The following SGCD variants were observed in gnomAD, a reference collection of about 807,000 sequenced individuals.
SGCD encodes the protein delta-sarcoglycan.
A neutral mutation model predicts 36.6 loss-of-function variants in SGCD; 18 were observed. The ratio of observed to expected loss-of-function variants is 0.49; its 90% CI spans 0.34 to 0.73. The LOEUF is 0.73. Ranked by LOEUF, SGCD falls within the 30% of genes least tolerant of loss-of-function variation. The probability of loss-of-function intolerance (pLI) is 0.01; values close to 1 mark genes in which losing one functional copy is unlikely to be tolerated. For synonymous variants in SGCD, 133 were observed against 130.6 expected (o/e 1.02, Z -0.12); for missense variants, 387 against 346.7 (o/e 1.12, Z -0.92).
intron 4 of SGCD, among the ~76,000 whole-genome samples, chr5:156,526,347 A>T (rs1056379178): frequency 5.9e-5 from 9 of 152,264 alleles, no homozygotes; most frequent in Middle Eastern, 6.8e-3. Context: ...CAAGGAGCAA[A>T]GTCATGTCTC....
intron 3 of SGCD, among the ~76,000 whole-genome samples, chr5:156,260,013 A>G (rs1765816270): frequency 6.6e-6 from 1 of 152,216 alleles, no homozygotes. Context: ...GCAACACAAA[A>G]TGAATTAAGA....
intron 4 of SGCD, among the ~76,000 whole-genome samples, chr5:156,550,937 T>C (rs1182959550): frequency 1.3e-5 from 2 of 152,224 alleles, no homozygotes; most frequent in African/African-American, 4.8e-5. Context: ...TTGTTGGCTT[T>C]CATTTTTCAA....
chr5:156,048,230 C>T (rs559536585), intron 1 of SGCD, among the ~76,000 whole-genome samples: 3 of 152,286 alleles, frequency 2.0e-5, no homozygotes, highest in Non-Finnish European at 1.5e-5. Context: ...CATTGTTGGG[C>T]ATTTGGCTTG....
intron 3 of SGCD, among the ~76,000 whole-genome samples, chr5:156,467,166 A>G (rs1255492586): frequency 6.6e-6 from 1 of 152,212 alleles, no homozygotes; most frequent in East Asian, 1.9e-4. Flanking sequence ...ACCAAGTAGC[A>G]GGCTGGATTT....
Position 156,105,250 on chromosome 5 carries a change from TAAAG to T in SGCD, c.-281-12623_-281-12620del, listed in dbSNP as rs1370521818. Among the ~76,000 whole-genome samples the T allele has an allele frequency of 4.6e-5, 7 of 152,168 alleles. No individual in the cohort carries two copies. In the East Asian group the frequency reaches 5.8e-4, roughly 13 times the overall value. Reference sequence around the variant, plus strand: ...GAACCTATGTGGAGTATTATGTAAATAAAGAAAGTACTTCACACATATTTTCATT... The same window carrying T: ...GAACCTATGTGGAGTATTATGTAAATAAAGTACTTCACACATATTTTCATT... On this transcript the variant is annotated intron_variant, in intron 1 of 9. Coordinates refer to the SGCD transcript ENST00000517913.
At chr5:155,828,893 G>C in the SGCD span, among the ~76,000 whole-genome samples, 3 of 151,900 alleles carry the variant, frequency 2.0e-5, no homozygotes, top group African/African-American at 7.3e-5. Context: ...CACCATGTTG[G>C]TCAGGCTAGT....
intron 1 of SGCD, among the ~76,000 whole-genome samples, chr5:156,068,888 T>G (rs886608207): frequency 2.4e-4 from 37 of 152,186 alleles, no homozygotes; most frequent in Non-Finnish European, 4.7e-4. Flanking sequence ...GGTGAGCATT[T>G]TTTCATGTGT....
At chr5:156,529,081 G>A (rs759636176) in intron 4 of SGCD, among the ~76,000 whole-genome samples, 2 of 152,040 alleles carry the variant, frequency 1.3e-5, no homozygotes, top group African/African-American at 2.4e-5. Context: ...CCCACAGACC[G>A]TAGTAACTGC....
intron 2 of SGCD, among the ~76,000 whole-genome samples, chr5:156,343,807 C>T (rs1417747305): frequency 6.6e-6 from 1 of 152,156 alleles, no homozygotes; most frequent in East Asian, 1.9e-4. Context: ...CTTTGACCCT[C>T]CTTTATGTTT....
At chr5:155,810,105 G>A in the SGCD span, among the ~76,000 whole-genome samples, 10 of 152,292 alleles carry the variant, frequency 6.6e-5, no homozygotes, top group African/African-American at 1.7e-4. Flanking sequence ...AAGAACACAC[G>A]TGCTTTGATA....
chr5:156,680,719 A>C (rs547860711), intron 7 of SGCD, among the ~76,000 whole-genome samples: 1 of 152,348 alleles, frequency 6.6e-6, no homozygotes, highest in South Asian at 2.1e-4. Flanking sequence ...AGAAGAAAAG[A>C]TGTGTGTGCT....
chr5:156,389,422 C>T (rs1441811098), intron 3 of SGCD, among the ~76,000 whole-genome samples: 1 of 152,188 alleles, frequency 6.6e-6, no homozygotes, highest in Non-Finnish European at 1.5e-5. Flanking sequence ...TTTTGAAGAA[C>T]TGGGACTATC....
intron 3 of SGCD, among the ~76,000 whole-genome samples, chr5:156,219,327 A>G (rs1272619344): frequency 1.3e-5 from 2 of 152,226 alleles, no homozygotes; most frequent in African/African-American, 4.8e-5. Flanking sequence ...TGCTTATTCA[A>G]TTTGTTAAAA....
chr5:156,103,895 A>G (rs1352834290), intron 1 of SGCD, among the ~76,000 whole-genome samples: 1 of 152,136 alleles, frequency 6.6e-6, no homozygotes. Context: ...TTCATTACAT[A>G]TTAATATGGC....
chr5:155,959,124 T>TG (rs1757733569), intron 1 of SGCD, among the ~76,000 whole-genome samples: 1 of 152,190 alleles, frequency 6.6e-6, no homozygotes, highest in African/African-American at 2.4e-5. Context: ...AATCTTATGG[T>TG]ACCACTTGGC....
intron 3 of SGCD, among the ~76,000 whole-genome samples, chr5:156,316,552 A>G (rs1034266290): frequency 6.6e-6 from 1 of 152,092 alleles, no homozygotes; most frequent in Admixed American, 6.5e-5. Flanking sequence ...ATTTCAAATT[A>G]TATTGTAAAG....
At chr5:156,079,908 C>A (rs964761307) in intron 1 of SGCD, among the ~76,000 whole-genome samples, 7 of 152,200 alleles carry the variant, frequency 4.6e-5, no homozygotes, top group African/African-American at 1.7e-4. Context: ...ACACAGTGCC[C>A]ACTGTGTGGG....
intron 3 of SGCD, among the ~76,000 whole-genome samples, chr5:156,244,647 A>T (rs1328142659): frequency 6.6e-6 from 1 of 152,206 alleles, no homozygotes; most frequent in Admixed American, 6.5e-5. Context: ...ATTTTTTAAT[A>T]AAATTAAAAG....
chr5:156,375,465 T>C (rs1419790089), intron 3 of SGCD, among the ~76,000 whole-genome samples: 5 of 150,816 alleles, frequency 3.3e-5, no homozygotes, highest in Admixed American at 2.7e-4. Context: ...GGTCTTGTGG[T>C]CTGGCTCCTT....
Sources: allele counts gnomAD v4.1 joint callset (sites outside exome capture counted in the v4.1 genomes callset), GRCh38; gene constraint gnomAD v4.1.1; transcripts MANE v1.5; gene names NCBI Gene and HGNC (gene_info 2026-07-23, HGNC 2026-07-21).